The following SEMA6D variants were observed in gnomAD, a reference collection of about 807,000 sequenced individuals.
SEMA6D encodes the protein semaphorin-6D.
SEMA6D carries 35 observed loss-of-function variants against 106.6 expected under a neutral mutation model. The ratio of observed to expected loss-of-function variants is 0.33; its 90% confidence interval spans 0.25 to 0.44. The LOEUF is 0.44. SEMA6D is among the 20% of genes least tolerant of loss of function. The probability of loss-of-function intolerance (pLI) is 1.00; values close to 1 mark genes in which losing one functional copy is unlikely to be tolerated. For missense variants in SEMA6D, 1,185 were observed against 1,345.9 expected, an observed-to-expected ratio of 0.88 and a Z score of 1.87; for synonymous variants, 499 against 487.7, an observed-to-expected ratio of 1.02 and a Z score of -0.31.
At chr15:47,456,133 G>T (rs1359058392) in intron 2 of SEMA6D, among the ~76,000 whole-genome samples, 1 of 151,894 alleles carries the variant, frequency 6.6e-6, no homozygotes, top group Admixed American at 6.6e-5. Context: ...TATAGAACCA[G>T]CAGGAAGCTT....
intron 2 of SEMA6D, among the ~76,000 whole-genome samples, chr15:47,443,652 A>G (rs184771318): frequency 5.3e-5 from 8 of 152,256 alleles, no homozygotes; most frequent in Admixed American, 2.0e-4. Flanking sequence ...AAAGCCTCTT[A>G]ATTTAGGGGG....
chr15:47,223,790 T>G (rs576300105), intron 1 of SEMA6D, among the ~76,000 whole-genome samples: 1 of 152,258 alleles, frequency 6.6e-6, no homozygotes, highest in South Asian at 2.1e-4. Flanking sequence ...TGTTAATTCT[T>G]GAATTTATGG....
chr15:47,492,579 G>C (rs2043506908), intron 3 of SEMA6D, among the ~76,000 whole-genome samples: 2 of 152,134 alleles, frequency 1.3e-5, no homozygotes, highest in Non-Finnish European at 2.9e-5. Context: ...AACTGCTTGA[G>C]AACCTGAATA....
intron 4 of SEMA6D, among the ~76,000 whole-genome samples, chr15:47,656,872 A>G (rs2085273172): frequency 6.6e-6 from 1 of 152,242 alleles, no homozygotes; most frequent in Non-Finnish European, 1.5e-5. Flanking sequence ...AGAAGCAGAG[A>G]CAGGAGTGGA....
At chr15:47,309,212 GA>G (rs1302157649) in intron 1 of SEMA6D, among the ~76,000 whole-genome samples, 1 of 152,098 alleles carries the variant, frequency 6.6e-6, no homozygotes, top group Non-Finnish European at 1.5e-5. Context: ...TCACCATTTG[GA>G]AATATTAAAT....
chr15:47,223,601 T>C (rs2031399757), intron 1 of SEMA6D, among the ~76,000 whole-genome samples: 1 of 151,364 alleles, frequency 6.6e-6, no homozygotes, highest in African/African-American at 2.4e-5. Context: ...CAAGTTAGCC[T>C]TCAGCTTTGA....
intron 1 of SEMA6D, among the ~76,000 whole-genome samples, chr15:47,751,624 A>AG (rs1424403306): frequency 1.3e-5 from 2 of 152,120 alleles, no homozygotes; most frequent in Non-Finnish European, 2.9e-5. Flanking sequence ...TGGAAGCCCC[A>AG]GGGGCCCATC....
chr15:47,526,348 G>A (rs1036829586), intron 3 of SEMA6D, among the ~76,000 whole-genome samples: 2 of 152,150 alleles, frequency 1.3e-5, no homozygotes, highest in African/African-American at 4.8e-5. Flanking sequence ...GGAAAGGGGG[G>A]TCCTTTTTGG....
chr15:47,390,437 G>T (rs1427743062), intron 1 of SEMA6D, among the ~76,000 whole-genome samples: 1 of 152,182 alleles, frequency 6.6e-6, no homozygotes, highest in African/African-American at 2.4e-5. Flanking sequence ...TCCAACATCA[G>T]TGAAGTGGCC....
intron 1 of SEMA6D, among the ~76,000 whole-genome samples, chr15:47,302,916 A>G (rs1175834711): frequency 6.6e-6 from 1 of 152,206 alleles, no homozygotes; most frequent in Non-Finnish European, 1.5e-5. Flanking sequence ...GTAATTTATT[A>G]TAGCAGCCAC....
intron 1 of SEMA6D, among the ~76,000 whole-genome samples, chr15:47,303,237 T>C (rs897161733): frequency 6.7e-6 from 1 of 148,792 alleles, no homozygotes; most frequent in Non-Finnish European, 1.5e-5. Context: ...TGTGGAAATA[T>C]TGAAAGCACA....
chr15:47,742,651 T>A (rs1414037997), intron 1 of SEMA6D, among the ~76,000 whole-genome samples: 1 of 152,212 alleles, frequency 6.6e-6, no homozygotes, highest in African/African-American at 2.4e-5. Context: ...TCTGGGACTT[T>A]CAGTGCATAT....
intron 4 of SEMA6D, among the ~76,000 whole-genome samples, chr15:47,693,148 C>T (rs145166068): frequency 2.6e-5 from 4 of 152,156 alleles, no homozygotes; most frequent in Non-Finnish European, 5.9e-5. Flanking sequence ...GGTCCCTAAT[C>T]CAGTATGACT....
At chr15:47,456,479 C>G (rs2042349813) in intron 2 of SEMA6D, among the ~76,000 whole-genome samples, 2 of 151,976 alleles carry the variant, frequency 1.3e-5, no homozygotes, top group Admixed American at 1.3e-4. Context: ...ATGCTCAACA[C>G]TGCTTCAAAT....
At chr15:47,744,154 C>A (rs745660018) in intron 1 of SEMA6D, among the ~76,000 whole-genome samples, 1 of 152,148 alleles carries the variant, frequency 6.6e-6, no homozygotes, top group Non-Finnish European at 1.5e-5. Context: ...GAAGCTGACA[C>A]GAAGTTCAGT....
chr15:47,358,784 G>A (rs2145034655), intron 1 of SEMA6D, among the ~76,000 whole-genome samples: 1 of 152,300 alleles, frequency 6.6e-6, no homozygotes, highest in African/African-American at 2.4e-5. Context: ...GCCCTGAGTT[G>A]GGCATCATGG....
At chr15:47,216,845 T>A (rs1298024475) in intron 1 of SEMA6D, among the ~76,000 whole-genome samples, 1 of 151,916 alleles carries the variant, frequency 6.6e-6, no homozygotes, top group Non-Finnish European at 1.5e-5. Flanking sequence ...GCAAAAAAAA[T>A]TAGAAATTTG....
At chr15:47,628,416 A>G (rs2077238928) in intron 4 of SEMA6D, among the ~76,000 whole-genome samples, 2 of 152,062 alleles carry the variant, frequency 1.3e-5, no homozygotes, top group Non-Finnish European at 2.9e-5. Context: ...CATCCTCACT[A>G]GCATTTGGTG....
chr15:47,216,765 AT>A lies in SEMA6D; in HGVS notation c.-239+32348del, dbSNP rs562511602. Among the ~76,000 whole-genome samples, 600 of 152,322 alleles carry A rather than the reference AT, an allele frequency of 3.9e-3. 22 individuals are homozygous for A. The highest frequency in any genetic ancestry group is 0.036 in the Admixed American group (549 of 15,298). On this transcript the variant is annotated intron_variant, in intron 1 of 19. Transcript: ENST00000558014. ...CAAATGACCAGTAGATATATAAAAA[AT>A]ATTAAACATCAAATATAATTAAAGA...
Sources: allele counts gnomAD v4.1 joint callset (sites outside exome capture counted in the v4.1 genomes callset), GRCh38; gene constraint gnomAD v4.1.1; transcripts MANE v1.5; gene names NCBI Gene and HGNC (gene_info 2026-07-23, HGNC 2026-07-21).